Variants in CC2D2B observed in about 807,000 individuals in gnomAD.
The protein encoded by CC2D2B is coiled-coil and C2 domain containing 2B.
In CC2D2B, 128 loss-of-function variants were observed where a neutral mutation model predicts 161.2. The ratio of observed to expected loss-of-function variants is 0.79; its 90% CI spans 0.69 to 0.92. The LOEUF is 0.92. Ranked by LOEUF, CC2D2B falls within the 40% of genes least tolerant of loss-of-function variation. The pLI is 0.00. For synonymous variants in CC2D2B, 391 were observed against 449.8 expected, an observed-to-expected ratio of 0.87 and a Z score of 1.65; for missense variants, 1,173 against 1,375.1, an observed-to-expected ratio of 0.85 and a Z score of 2.32.
At chr10:95,937,670 CTG>C (rs2075874937) in intron 6 of CC2D2B, among the ~76,000 whole-genome samples, 1 of 152,084 alleles carries the variant, frequency 6.6e-6, no homozygotes, top group South Asian at 2.1e-4. Context: ...CTGCCCTACA[CTG>C]TGTATTCTCA....
chr10:96,019,732 C>A lies in CC2D2B; in HGVS notation c.3796C>A (p.Pro1266Thr), dbSNP rs1404136373. 14 of 1,599,698 alleles carry A rather than the reference C, an allele frequency of 8.8e-6. No homozygotes were observed. The African/African-American group carries it at 1.4e-4, about 15-fold the overall frequency. The change falls in exon 32 of 35, where the codon CCA becomes ACA. Residue 1266 changes from proline to threonine, a missense_variant. Coordinates refer to ENST00000646931, the MANE Select transcript of CC2D2B (RefSeq NM_001349008.3). ...GTTTAATATTCAACAAAATAATACA[C>A]CAATGGCTGTATTTTTTGACTATTC... ...VWFNIQQNNT[P>T]MAVFFDYSKE... is the part of the protein sequence containing the mutation.
At chr10:95,907,937 C>G (rs1002469048), upstream of CC2D2B, 3 of 152,398 alleles carry the variant, frequency 2.0e-5, no homozygotes, top group Admixed American at 6.5e-5. Flanking sequence ...ACTTGCAGCC[C>G]GCGGGCGCCG....
At chr10:95,965,528 TA>T (rs2076910251) in intron 12 of CC2D2B, among the ~76,000 whole-genome samples, 1 of 151,910 alleles carries the variant, frequency 6.6e-6, no homozygotes, top group Admixed American at 6.6e-5. Context: ...TCTCACAGCT[TA>T]AAAAATATGA....
intron 9 of CC2D2B, among the ~76,000 whole-genome samples, chr10:95,940,218 C>T (rs995087620): frequency 1.3e-5 from 2 of 152,068 alleles, no homozygotes; most frequent in Admixed American, 6.6e-5. Flanking sequence ...ACCAGAACAA[C>T]CCCAAGGGGA....
intron 15 of CC2D2B, among the ~76,000 whole-genome samples, chr10:95,969,541 T>C (rs930114458): frequency 6.6e-6 from 1 of 152,050 alleles, no homozygotes; most frequent in East Asian, 1.9e-4. Context: ...GGAATAAAGA[T>C]TTGTGTGTAA....
At position 96,021,395 on chromosome 10, in the gene CC2D2B, A is replaced by G. The variant is rs771708735; in HGVS notation, c.3888+1571A>G. ...ACTTATACAATGAAATCTTCTGTACAGCAGTAAAAGATGAATGAACTGAGC... is the reference window on the plus strand; with the variant it reads ...ACTTATACAATGAAATCTTCTGTACGGCAGTAAAAGATGAATGAACTGAGC... On this transcript the variant is annotated intron_variant, in intron 32 of 34. Coordinates refer to ENST00000646931, the MANE Select transcript of CC2D2B (RefSeq NM_001349008.3). 6.6e-5 allele frequency: 10 copies of G among 152,266 alleles called. 1 individual carries two copies. The highest frequency in any genetic ancestry group is 1.5e-4 in the Non-Finnish European group (10 of 68,046). The allele number at this position is 152,266 out of a possible 1,614,324, so 9.4% of individuals were successfully genotyped here.
intron 5 of CC2D2B, among the ~76,000 whole-genome samples, chr10:95,925,398 T>C (rs1223503679): frequency 2.6e-5 from 4 of 152,208 alleles, no homozygotes; most frequent in East Asian, 1.9e-4. Context: ...TTTGCTTACA[T>C]AGGAACTCAG....
chr10:95,997,614 C>A (rs750619728), intron 24 of CC2D2B, among the ~76,000 whole-genome samples: 2 of 152,174 alleles, frequency 1.3e-5, no homozygotes, highest in Non-Finnish European at 2.9e-5. Flanking sequence ...GTGTCAAACT[C>A]CTGGGCTCAA....
intron 33 of CC2D2B, among the ~76,000 whole-genome samples, chr10:96,025,171 AT>A (rs1564683786): frequency 6.8e-4 from 17 of 24,860 alleles, no homozygotes; most frequent in South Asian, 1.6e-3. Flanking sequence ...ATATATATAT[AT>A]ATATATATAT....
intron 32 of CC2D2B, among the ~76,000 whole-genome samples, chr10:96,021,763 A>AG (rs1212330127): frequency 6.6e-6 from 1 of 152,154 alleles, no homozygotes; most frequent in Non-Finnish European, 1.5e-5. Context: ...TTTTGGGGAG[A>AG]GAAAAAAAAG....
At chr10:95,946,859 G>A (rs1163415900) in intron 9 of CC2D2B, among the ~76,000 whole-genome samples, 1 of 151,768 alleles carries the variant, frequency 6.6e-6, no homozygotes, top group African/African-American at 2.4e-5. Context: ...ACAGACTGAA[G>A]AGCATATCAT....
intron 33 of CC2D2B, among the ~76,000 whole-genome samples, chr10:96,025,126 T>C (rs1306096071): frequency 1.1e-4 from 13 of 119,264 alleles, no homozygotes; most frequent in Admixed American, 7.3e-4. Flanking sequence ...CTGGGCAACA[T>C]AGGGAGACGT....
chr10:95,931,431 A>G lies in CC2D2B; in HGVS notation c.336+4099A>G, dbSNP rs929051115. On this transcript the variant is annotated intron_variant, in intron 6 of 34. Coordinates refer to ENST00000646931, the MANE Select transcript of CC2D2B (RefSeq NM_001349008.3). ...TTTCTTGTCTTCTGCTAGCTTTTGA[A>G]TTTGTTTGCTCATGCTTCTCCAGTT... 2.6e-5 allele frequency among the ~76,000 whole-genome samples: 4 copies of G among 151,842 alleles called. No homozygotes were observed. The East Asian group carries it at 7.7e-4, about 29-fold the overall frequency.
intron 20 of CC2D2B, among the ~76,000 whole-genome samples, chr10:95,989,655 G>A (rs2077872506): frequency 6.6e-6 from 1 of 152,212 alleles, no homozygotes; most frequent in Non-Finnish European, 1.5e-5. Context: ...TAGGAAGGAT[G>A]TAAGAGAGCA....
chr10:95,962,067 C>A (rs1464884024), intron 12 of CC2D2B, 98 bp downstream of exon 12: 2 of 736,256 alleles, frequency 2.7e-6, no homozygotes, highest in African/African-American at 1.8e-5. Context: ...AGAAGCTAGG[C>A]AACTATTCCA....
intron 5 of CC2D2B, among the ~76,000 whole-genome samples, chr10:95,925,951 A>C (rs2098537565): frequency 6.6e-6 from 1 of 152,198 alleles, no homozygotes; most frequent in Admixed American, 6.5e-5. Flanking sequence ...TGTAATGAGC[A>C]ACTAATAGTT....
At chr10:95,981,161 AG>A (rs2077506046) in intron 17 of CC2D2B, among the ~76,000 whole-genome samples, 1 of 152,118 alleles carries the variant, frequency 6.6e-6, no homozygotes, top group Non-Finnish European at 1.5e-5. Flanking sequence ...TGGGAGGCCA[AG>A]GGGGGCGGAT....
chr10:95,937,037 G>T (rs536365801), intron 6 of CC2D2B, among the ~76,000 whole-genome samples: 7 of 152,136 alleles, frequency 4.6e-5, no homozygotes, highest in Non-Finnish European at 1.0e-4. Context: ...ATATCATGAA[G>T]ATTTCTGGAT....
intron 14 of CC2D2B, 102 bp downstream of exon 14, chr10:95,966,404 GCA>G: frequency 2.5e-6 from 1 of 394,660 alleles, no homozygotes; most frequent in Non-Finnish European, 4.3e-6. Context: ...CATATGCCAG[GCA>G]CTCTAAGTTT....
Sources: gnomAD v4.1 joint callset for allele counts (sites outside exome capture counted in the v4.1 genomes callset) on GRCh38, gnomAD v4.1.1 for gene constraint, MANE v1.5 for transcripts, NCBI Gene and HGNC (gene_info 2026-07-23, HGNC 2026-07-21) for gene names.